DCAF8L2: variants seen among roughly 807,000 people sequenced by gnomAD.
The protein encoded by DCAF8L2 is DDB1 and CUL4 associated factor 8 like 2.
For synonymous variants in DCAF8L2, 200 were observed against 190.9 expected (o/e 1.05, Z -0.39); for missense variants, 430 against 490.7 (o/e 0.88, Z 1.17).
chrX:27,590,584 C>T (rs1200242438), intron 1 of DCAF8L2, 144 bp downstream of exon 1: 2 of 111,072 alleles, frequency 1.8e-5, no homozygotes, highest in Non-Finnish European at 3.8e-5. Context: ...CGGAAATAGT[C>T]TTGTTTCTTA....
the DCAF8L2 span, among the ~76,000 whole-genome samples, chrX:27,506,141 G>GA: frequency 9.0e-6 from 1 of 111,475 alleles, no homozygotes; most frequent in Non-Finnish European, 1.9e-5. Context: ...AGAGCAATGA[G>GA]AAAAAAATAT....
chrX:27,688,560 AATT>A (rs1930592350), intron 3 of DCAF8L2, among the ~76,000 whole-genome samples: 1 of 107,426 alleles, frequency 9.3e-6, no homozygotes, highest in African/African-American at 3.8e-5. Flanking sequence ...CATCTATGAT[AATT>A]ATTCAAAAAA....
At chrX:27,539,373 A>T in the DCAF8L2 span, among the ~76,000 whole-genome samples, 2 of 111,303 alleles carry the variant, frequency 1.8e-5, no homozygotes, top group East Asian at 5.6e-4. Flanking sequence ...ATGGCAGAAG[A>T]TTATTAGATA....
chrX:27,617,200 T>G (rs1015987151), intron 1 of DCAF8L2, among the ~76,000 whole-genome samples: 4 of 111,497 alleles, frequency 3.6e-5, no homozygotes, highest in Admixed American at 9.6e-5. Flanking sequence ...GGAGTTCCTC[T>G]GTTACTTAGT....
upstream of DCAF8L2, among the ~76,000 whole-genome samples, chrX:27,590,202 T>G (rs1926006969): frequency 9.0e-6 from 1 of 111,479 alleles, no homozygotes; most frequent in Non-Finnish European, 1.9e-5. Flanking sequence ...GAGCCACAAC[T>G]TTAGCCACAA....
chrX:27,488,418 A>G, the DCAF8L2 span, among the ~76,000 whole-genome samples: 1 of 111,250 alleles, frequency 9.0e-6, no homozygotes, highest in Non-Finnish European at 1.9e-5. Flanking sequence ...TGATTTGTAA[A>G]TGCTGTATCT....
At chrX:27,634,406 C>G (rs1220699204) in intron 2 of DCAF8L2, among the ~76,000 whole-genome samples, 2 of 111,344 alleles carry the variant, frequency 1.8e-5, no homozygotes, top group African/African-American at 6.5e-5. Flanking sequence ...TCTGATGCCT[C>G]AGAGTGGCAA....
chrX:27,597,745 A>G (rs987191162), intron 1 of DCAF8L2, among the ~76,000 whole-genome samples: 5 of 112,275 alleles, frequency 4.5e-5, no homozygotes, highest in African/African-American at 1.6e-4. Context: ...TCACTGTGGT[A>G]AATAGTTTAG....
At chrX:27,637,916 C>G (rs1928566276) in intron 2 of DCAF8L2, among the ~76,000 whole-genome samples, 1 of 111,243 alleles carries the variant, frequency 9.0e-6, no homozygotes, top group Non-Finnish European at 1.9e-5. Context: ...ACGATCCTCT[C>G]AAAGTTAGCT....
chrX:27,641,371 T>C (rs1928710220), intron 2 of DCAF8L2, among the ~76,000 whole-genome samples: 1 of 111,833 alleles, frequency 8.9e-6, no homozygotes, highest in Non-Finnish European at 1.9e-5. Flanking sequence ...TTTTTTTCAG[T>C]AATTTAAAGA....
the DCAF8L2 span, among the ~76,000 whole-genome samples, chrX:27,500,727 T>C: frequency 4.5e-5 from 5 of 111,626 alleles, no homozygotes; most frequent in Non-Finnish European, 9.4e-5. Flanking sequence ...GAAAGTTTCT[T>C]GTATTAACTG....
the DCAF8L2 span, among the ~76,000 whole-genome samples, chrX:27,497,554 T>G: frequency 3.4e-5 from 3 of 87,594 alleles, no homozygotes; most frequent in Non-Finnish European, 6.4e-5. Context: ...CCTTCCTTCT[T>G]TCTTTCTTTC....
chrX:27,693,316 C>T (rs1389978804), intron 3 of DCAF8L2, among the ~76,000 whole-genome samples: 1 of 110,974 alleles, frequency 9.0e-6, no homozygotes, highest in Non-Finnish European at 1.9e-5. Context: ...TAGTGCATAT[C>T]TATGAGTTTC....
intron 3 of DCAF8L2, among the ~76,000 whole-genome samples, chrX:27,686,288 G>A (rs974507909): frequency 2.7e-5 from 3 of 111,506 alleles, no homozygotes; most frequent in African/African-American, 9.8e-5. Flanking sequence ...GCATACCCAT[G>A]TTTATTGCAG....
At chrX:27,600,379 A>T (rs1926586381) in intron 1 of DCAF8L2, among the ~76,000 whole-genome samples, 1 of 112,010 alleles carries the variant, frequency 8.9e-6, no homozygotes, top group Admixed American at 9.5e-5. Context: ...TCAAGGGTAT[A>T]GTGACCAAAA....
chrX:27,720,528 C>T (rs926707279), intron 4 of DCAF8L2, among the ~76,000 whole-genome samples: 2 of 110,752 alleles, frequency 1.8e-5, no homozygotes, highest in African/African-American at 6.6e-5. Context: ...CGCCCGCCAC[C>T]GCGCCTGGCT....
At chrX:27,561,624 T>C in the DCAF8L2 span, among the ~76,000 whole-genome samples, 1 of 111,600 alleles carries the variant, frequency 9.0e-6, no homozygotes, top group Non-Finnish European at 1.9e-5. Flanking sequence ...ACTAATTAGC[T>C]TTCTATCTCT....
At chrX:27,532,938 G>T in the DCAF8L2 span, among the ~76,000 whole-genome samples, 1 of 102,564 alleles carries the variant, frequency 9.8e-6, no homozygotes, top group Admixed American at 1.1e-4. Flanking sequence ...TTAGCTGGGC[G>T]TGGTGGCACG....
At chrX:27,718,448 C>A in intron 4 of DCAF8L2, among the ~76,000 whole-genome samples, 1 of 111,853 alleles carries the variant, frequency 8.9e-6, no homozygotes. Context: ...GTGTATAAGC[C>A]TATTATGGTT....
Sources: allele counts gnomAD v4.1 joint callset (sites outside exome capture counted in the v4.1 genomes callset), GRCh38; gene constraint gnomAD v4.1.1; transcripts MANE v1.5; gene names NCBI Gene and HGNC (gene_info 2026-07-23, HGNC 2026-07-21).